NRCAM: variants seen among roughly 807,000 people sequenced by gnomAD.
NRCAM encodes NgCAM-related cell adhesion molecule.
Under a neutral mutation model 156.5 loss-of-function variants are expected in NRCAM, and 83 were observed. That is an observed-to-expected ratio of 0.53 (90% CI 0.44 to 0.64). The LOEUF (loss-of-function observed/expected upper bound fraction) is 0.64. Ranked by LOEUF, NRCAM falls within the 30% of genes least tolerant of loss-of-function variation. NRCAM has a pLI of 0.00. For synonymous variants in NRCAM, 538 were observed against 563.9 expected, an observed-to-expected ratio of 0.95 and a Z score of 0.65; for missense variants, 1,417 against 1,597.3, an observed-to-expected ratio of 0.89 and a Z score of 1.92.
intron 30 of NRCAM, among the ~76,000 whole-genome samples, chr7:108,162,527 A>G (rs1188101004): frequency 6.6e-6 from 1 of 152,212 alleles, no homozygotes; most frequent in African/African-American, 2.4e-5. Context: ...GCAACTAAAA[A>G]GGGAAAAACA....
intron 30 of NRCAM, among the ~76,000 whole-genome samples, chr7:108,164,547 CGAGAGGAGAG>C (rs1554491789): frequency 1.4e-5 from 2 of 145,736 alleles, no homozygotes; most frequent in Non-Finnish European, 3.0e-5. Context: ...ACCGCGGAAC[CGAGAGGAGAG>C]GAGAGGAGAG....
At chr7:108,267,082 A>G (rs114970075) in intron 3 of NRCAM, among the ~76,000 whole-genome samples, 3,056 of 152,272 alleles carry the variant, frequency 0.02, 59 homozygotes, top group African/African-American at 0.051. Context: ...GCCACATGAC[A>G]CCCACACACA....
intron 3 of NRCAM, among the ~76,000 whole-genome samples, chr7:108,297,825 A>T (rs1405982290): frequency 6.6e-6 from 1 of 152,234 alleles, no homozygotes; most frequent in African/African-American, 2.4e-5. Flanking sequence ...GCACATGCGT[A>T]ATATACTTTC....
chr7:108,327,145 C>A (rs1233157696), intron 2 of NRCAM, among the ~76,000 whole-genome samples: 1 of 152,172 alleles, frequency 6.6e-6, no homozygotes, highest in African/African-American at 2.4e-5. Flanking sequence ...GGAGCCAACA[C>A]AGCATTTTGG....
At chr7:108,204,829 T>C (rs1374927764) in intron 13 of NRCAM, among the ~76,000 whole-genome samples, 3 of 152,206 alleles carry the variant, frequency 2.0e-5, no homozygotes, top group African/African-American at 7.2e-5. Context: ...CATTTAGTCC[T>C]AACTCTTTCT....
chr7:108,408,860 G>C lies in NRCAM; in HGVS notation c.-331-9267C>G, dbSNP rs192540482. 3.3e-5 allele frequency among the ~76,000 whole-genome samples: 5 copies of C among 152,274 alleles called. No homozygotes were observed. In the East Asian group the frequency reaches 9.7e-4, roughly 29 times the overall value. ...TCATTCAGTAAGAAATGTCCTCCTTGGGTTCAGTGGGATGACTGTAGAGGC... is the reference window on the plus strand; with the variant it reads ...TCATTCAGTAAGAAATGTCCTCCTTCGGTTCAGTGGGATGACTGTAGAGGC... On this transcript the variant is annotated intron_variant, in intron 1 of 32. Transcript: ENST00000379028.
At chr7:108,160,330 T>A in intron 31 of NRCAM, 31 bp downstream of exon 31, 1 of 1,596,286 alleles carries the variant, frequency 6.3e-7, no homozygotes, top group Non-Finnish European at 8.6e-7. Context: ...TTATGTAGCA[T>A]TATAAAGCAA....
chr7:108,168,743 G>A (rs1183917246), intron 28 of NRCAM, among the ~76,000 whole-genome samples: 1 of 152,152 alleles, frequency 6.6e-6, no homozygotes, highest in Non-Finnish European at 1.5e-5. Context: ...GGGGATTGCT[G>A]AACAATCCCA....
chr7:108,361,208 G>A (rs2099547966), intron 2 of NRCAM, among the ~76,000 whole-genome samples: 2 of 152,100 alleles, frequency 1.3e-5, no homozygotes, highest in Non-Finnish European at 2.9e-5. Context: ...TATTAGAATG[G>A]CTAAAATTCA....
chr7:108,150,229 T>C, intron 32 of NRCAM, 82 bp from the exon 33 acceptor site: 3 of 1,177,406 alleles, frequency 2.5e-6, no homozygotes, highest in South Asian at 1.5e-5. Flanking sequence ...ATGCAAATTA[T>C]GAGAAAGCAT....
chr7:108,288,097 T>A (rs574266654), intron 3 of NRCAM, among the ~76,000 whole-genome samples: 1 of 152,104 alleles, frequency 6.6e-6, no homozygotes, highest in Non-Finnish European at 1.5e-5. Context: ...GCAGAATGGA[T>A]TGAACTAGAG....
intron 14 of NRCAM, 71 bp from the exon 15 acceptor site, chr7:108,195,943 T>A: frequency 9.7e-7 from 1 of 1,032,110 alleles, no homozygotes; most frequent in Non-Finnish European, 1.5e-6. Context: ...TTATTGTATT[T>A]TGTTTTAAGG....
At chr7:108,181,086 TG>T (rs1204333810) in intron 24 of NRCAM, among the ~76,000 whole-genome samples, 19 of 152,354 alleles carry the variant, frequency 1.2e-4, no homozygotes, top group Non-Finnish European at 2.8e-4. Flanking sequence ...TGATTAATTT[TG>T]GTCACAAATC....
intron 2 of NRCAM, among the ~76,000 whole-genome samples, chr7:108,321,399 AGAGT>A (rs1274158946): frequency 5.9e-5 from 9 of 152,206 alleles, no homozygotes; most frequent in Non-Finnish European, 1.2e-4. Flanking sequence ...ACCTGGCAAG[AGAGT>A]GAGTGAGAGT....
chr7:108,157,637 G>C (rs2046337060), intron 32 of NRCAM, among the ~76,000 whole-genome samples: 1 of 152,106 alleles, frequency 6.6e-6, no homozygotes, highest in African/African-American at 2.4e-5. Context: ...GGTGGGGTTT[G>C]GGCTTCCAGT....
At chr7:108,339,242 G>T (rs1209862629) in intron 2 of NRCAM, among the ~76,000 whole-genome samples, 3 of 152,136 alleles carry the variant, frequency 2.0e-5, no homozygotes, top group Non-Finnish European at 4.4e-5. Context: ...TTCCTCCCAG[G>T]TGAATGAGAA....
chr7:108,346,589 A>G (rs2099356067), intron 2 of NRCAM, among the ~76,000 whole-genome samples: 1 of 152,168 alleles, frequency 6.6e-6, no homozygotes, highest in Admixed American at 6.5e-5. Context: ...CTCCTACTCT[A>G]TTGTAAATAG....
chr7:108,238,385 T>C (rs552724379), intron 4 of NRCAM, among the ~76,000 whole-genome samples: 1 of 152,298 alleles, frequency 6.6e-6, no homozygotes, highest in South Asian at 2.1e-4. Context: ...CAAGGACTTG[T>C]TCATGTAGTA....
intron 1 of NRCAM, among the ~76,000 whole-genome samples, chr7:108,450,929 A>G (rs545499515): frequency 4.6e-4 from 70 of 152,360 alleles, no homozygotes; most frequent in African/African-American, 1.6e-3. Flanking sequence ...GCTTTAAAAG[A>G]TAACAGTGGC....
Sources: allele counts gnomAD v4.1 joint callset (sites outside exome capture counted in the v4.1 genomes callset), GRCh38; gene constraint gnomAD v4.1.1; transcripts MANE v1.5; gene names NCBI Gene and HGNC (gene_info 2026-07-23, HGNC 2026-07-21).